The following CLSTN2 variants were observed in gnomAD, a reference collection of about 807,000 sequenced individuals.
The protein encoded by CLSTN2 is calsyntenin 2.
A neutral mutation model predicts 101.2 loss-of-function variants in CLSTN2; 48 were observed. The ratio of observed to expected loss-of-function variants is 0.47; its 90% CI spans 0.38 to 0.60. The LOEUF is 0.60. CLSTN2 is among the 20% of genes least tolerant of loss of function. The probability of loss-of-function intolerance (pLI) is 0.00; values close to 1 mark genes in which losing one functional copy is unlikely to be tolerated. For missense variants in CLSTN2, 1,160 were observed against 1,238.2 expected (o/e 0.94, Z 0.95); for synonymous variants, 481 against 463.6 (o/e 1.04, Z -0.48).
chr3:140,334,738 C>T (rs371509663), intron 2 of CLSTN2, among the ~76,000 whole-genome samples: 89 of 152,236 alleles, frequency 5.8e-4, no homozygotes, highest in African/African-American at 1.6e-3. Context: ...AGAAGTGGAG[C>T]GGAAACAGAA....
At chr3:140,334,733 T>C (rs1220256143) in intron 2 of CLSTN2, among the ~76,000 whole-genome samples, 1 of 152,032 alleles carries the variant, frequency 6.6e-6, no homozygotes, top group Non-Finnish European at 1.5e-5. Flanking sequence ...GCAACAGAAG[T>C]GGAGCGGAAA....
At chr3:140,404,123 G>A (rs1443807104) in intron 3 of CLSTN2, among the ~76,000 whole-genome samples, 2 of 152,218 alleles carry the variant, frequency 1.3e-5, no homozygotes, top group African/African-American at 4.8e-5. Flanking sequence ...CGCAGACCTG[G>A]TCAGGACCTT....
rs566396899 is a variant in CLSTN2, at chr3:140,145,178, T to G, written c.110-30773T>G. Among the ~76,000 whole-genome samples, 5 of 152,352 alleles carry G rather than the reference T, an allele frequency of 3.3e-5. No individual in the cohort carries two copies. In the South Asian group the frequency reaches 1.0e-3, roughly 32 times the overall value. On this transcript the variant is annotated intron_variant, in intron 1 of 16. Transcript: ENST00000458420. ...GTCACTGTGGTAAATATTTATCCAATGACTACAGATAGCTGTAGATAGGAA... is the reference window on the plus strand; with the variant it reads ...GTCACTGTGGTAAATATTTATCCAAGGACTACAGATAGCTGTAGATAGGAA...
At chr3:140,052,171 T>A (rs2008009497) in intron 1 of CLSTN2, among the ~76,000 whole-genome samples, 1 of 152,192 alleles carries the variant, frequency 6.6e-6, no homozygotes, top group African/African-American at 2.4e-5. Context: ...TATTTATTTA[T>A]ATTTTGAGAC....
At position 139,948,481 on chromosome 3, in the gene CLSTN2, GA is replaced by G. The variant is rs539346568; in HGVS notation, c.109+13007del. 6.2e-3 allele frequency among the ~76,000 whole-genome samples: 942 copies of G among 151,100 alleles called. 10 individuals carry two copies. The highest frequency in any genetic ancestry group is 0.022 in the African/African-American group (901 of 41,210). Reference sequence around the variant, plus strand: ...CCATCTCAAGAAAAAAAAAAGCAAAGAAAAAAAAATTGTTACTTTTATTGAT... The same window carrying G: ...CCATCTCAAGAAAAAAAAAAGCAAAGAAAAAAAATTGTTACTTTTATTGAT... On this transcript the variant is annotated intron_variant, in intron 1 of 16. Transcript: ENST00000458420.
At chr3:140,426,779 C>T (rs940471031) in intron 5 of CLSTN2, among the ~76,000 whole-genome samples, 1 of 152,200 alleles carries the variant, frequency 6.6e-6, no homozygotes, top group African/African-American at 2.4e-5. Flanking sequence ...ACCAGATAGA[C>T]TGTTTGAGTT....
In CLSTN2 at chr3:139,935,382, C is replaced by T. The variant is rs1935001240; in HGVS notation, c.8C>T (p.Pro3Leu). The T allele has an allele frequency of 2.4e-6, 3 of 1,229,060 alleles. No homozygotes were observed. The highest frequency in any genetic ancestry group is 8.5e-5 in the Admixed American group (2 of 23,596). The allele number at this position is 1,229,060 out of a possible 1,614,324, so 76.1% of individuals were successfully genotyped here. ML[P>L]GRLCWVPLLL... ...TTGGCGGCTGCTGCGAGGATGCTGC[C>T]TGGGCGGCTGTGCTGGGTGCCGCTC... Residue 3 changes from proline (P) to leucine (L), a missense_variant, in exon 1 of 17, where the codon CCT becomes CTT. Physicochemically the swap from Pro to Leu is moderately conservative, Grantham distance 98. Transcript: ENST00000458420. The surrounding 1 kb of genome is among the most constrained non-coding windows in gnomAD (Gnocchi z 5.5).
At chr3:140,524,143 A>T (rs1406602815) in intron 8 of CLSTN2, among the ~76,000 whole-genome samples, 1 of 152,224 alleles carries the variant, frequency 6.6e-6, no homozygotes, top group Non-Finnish European at 1.5e-5. Flanking sequence ...AGATTGCATG[A>T]GGGAGTGTTT....
At chr3:140,493,993 T>G (rs1256182850) in intron 8 of CLSTN2, among the ~76,000 whole-genome samples, 2 of 152,150 alleles carry the variant, frequency 1.3e-5, no homozygotes, top group African/African-American at 4.8e-5. Context: ...ACAGAATGTC[T>G]TTTTTTGAAA....
intron 7 of CLSTN2, chr3:140,460,252 C>T (rs1351780621): frequency 6.1e-6 from 1 of 164,404 alleles, no homozygotes. Context: ...TGATAGCTAC[C>T]ATTCGATAGG....
intron 1 of CLSTN2, among the ~76,000 whole-genome samples, chr3:140,131,362 T>G (rs752863293): frequency 1.8e-4 from 27 of 152,178 alleles, no homozygotes; most frequent in South Asian, 1.0e-3. Context: ...AAATTTCTTT[T>G]TATGCTTTGT....
chr3:140,540,596 C>T (rs558373641), intron 9 of CLSTN2, among the ~76,000 whole-genome samples: 2 of 152,022 alleles, frequency 1.3e-5, no homozygotes, highest in Admixed American at 6.5e-5. Flanking sequence ...GGGGCATCCC[C>T]AGGAAACAGC....
In CLSTN2 at chr3:140,404,730, G is replaced by A. The variant is rs762779163; in HGVS notation, c.601G>A (p.Val201Ile). ...QYSQICNYEIVTTDVPFAIDR... is the reference protein window; with the variant it reads ...QYSQICNYEIITTDVPFAIDR... ...CAGCCAGATCTGCAACTATGAAATC[G>A]TCACCACAGATGTGCCTTTTGCCAT... The change falls in exon 4 of 17, where the codon GTC becomes ATC. Residue 201 changes from valine (V) to isoleucine (I), a missense_variant. Coordinates refer to ENST00000458420, the MANE Select transcript of CLSTN2 (RefSeq NM_022131.3). The A allele has an allele frequency of 5.6e-6, 9 of 1,614,060 alleles. No homozygotes were observed. Among genetic ancestry groups the A allele is most frequent in the Admixed American group, 1.7e-5 (1 of 60,002 alleles).
chr3:140,421,230 T>C lies in CLSTN2; in HGVS notation c.743T>C (p.Leu248Pro). The change falls in exon 5 of 17, where the codon CTG becomes CCG. Residue 248 changes from leucine to proline, a missense_variant. Physicochemically the swap from Leu to Pro is moderately conservative, Grantham distance 98. Coordinates refer to ENST00000458420, the MANE Select transcript of CLSTN2 (RefSeq NM_022131.3). ...CAGAAGCCCGCTGCTCAGGACACCC[T>C]GGTGCAGGTGGATGTGAAGCCAGTT... ...CGQKPAAQDTLVQVDVKPVCK... is the reference protein window; with the variant it reads ...CGQKPAAQDTPVQVDVKPVCK... The C allele has an allele frequency of 6.2e-7, 1 of 1,614,200 alleles. No homozygotes were observed. The highest frequency in any genetic ancestry group is 8.5e-7 in the Non-Finnish European group (1 of 1,180,010).
At chr3:140,209,190 G>T in intron 2 of CLSTN2, among the ~76,000 whole-genome samples, 1 of 152,212 alleles carries the variant, frequency 6.6e-6, no homozygotes, top group East Asian at 1.9e-4. Context: ...GTCAGCAGGA[G>T]TTGGGGAGAG....
intron 1 of CLSTN2, among the ~76,000 whole-genome samples, chr3:140,006,623 C>A (rs1185981438): frequency 6.6e-6 from 1 of 152,202 alleles, no homozygotes; most frequent in Non-Finnish European, 1.5e-5. Flanking sequence ...GCATGGCTGT[C>A]TTTCCTGTCT....
At chr3:140,266,878 C>T (rs548841478) in intron 2 of CLSTN2, among the ~76,000 whole-genome samples, 1 of 152,298 alleles carries the variant, frequency 6.6e-6, no homozygotes, top group South Asian at 2.1e-4. Context: ...AGAGCTATGG[C>T]ATTTTATGTG....
rs115828220 is a variant in CLSTN2 at position 140,114,972 on chromosome 3, C to T, written c.110-60979C>T. 3.5e-3 allele frequency among the ~76,000 whole-genome samples: 539 copies of T among 152,246 alleles called. 5 individuals are homozygous for T. The highest frequency in any genetic ancestry group is 0.012 in the African/African-American group (519 of 41,554). On this transcript the variant is annotated intron_variant, in intron 1 of 16. Coordinates refer to ENST00000458420, the MANE Select transcript of CLSTN2 (RefSeq NM_022131.3). ...TTCTGCCTTGATGTGACTGACACCT[C>T]GACTTTTGCCAGCTCTCTTCAGTAC...
intron 8 of CLSTN2, among the ~76,000 whole-genome samples, chr3:140,493,683 T>C (rs62266446): frequency 3.0e-3 from 462 of 152,322 alleles, no homozygotes; most frequent in Admixed American, 6.1e-3. Context: ...AAACATCACC[T>C]AAGCCTCTCT....
Sources: gnomAD v4.1 joint callset for allele counts (sites outside exome capture counted in the v4.1 genomes callset) on GRCh38, gnomAD v4.1.1 for gene constraint, Gnocchi (gnomAD v3.1) non-coding constraint, MANE v1.5 for transcripts, NCBI Gene and HGNC (gene_info 2026-07-23, HGNC 2026-07-21) for gene names.